Variants in SRGAP1 observed in about 807,000 individuals in gnomAD.
The protein encoded by SRGAP1 is SLIT-ROBO Rho GTPase-activating protein 1.
A neutral mutation model predicts 121.9 loss-of-function variants in SRGAP1; 43 were observed. That is an observed-to-expected ratio of 0.35 (90% confidence interval 0.28 to 0.46). The LOEUF (loss-of-function observed/expected upper bound fraction) is 0.46, where lower values mean the gene tolerates loss of function less well. Among genes scored for constraint, SRGAP1 ranks in the 20% least tolerant of loss-of-function variants. The probability of loss-of-function intolerance (pLI) is 1.00; values close to 1 mark genes in which losing one functional copy is unlikely to be tolerated. For synonymous variants in SRGAP1, 447 were observed against 485.4 expected (o/e 0.92, Z 1.04); for missense variants, 1,102 against 1,350.9 (o/e 0.82, Z 2.89).
At chr12:64,075,192 T>G (rs1244322300) in intron 8 of SRGAP1, among the ~76,000 whole-genome samples, 1 of 152,212 alleles carries the variant, frequency 6.6e-6, no homozygotes, top group Non-Finnish European at 1.5e-5. Context: ...TTAGCATTGT[T>G]TCTATAGATA....
chr12:63,995,990 G>A (rs1467805252), intron 3 of SRGAP1, among the ~76,000 whole-genome samples: 1 of 150,036 alleles, frequency 6.7e-6, no homozygotes, highest in Non-Finnish European at 1.5e-5. Context: ...GATACCACTT[G>A]ACTACAGATC....
chr12:63,894,423 G>A (rs959972912), intron 1 of SRGAP1, among the ~76,000 whole-genome samples: 1 of 150,852 alleles, frequency 6.6e-6, no homozygotes, highest in Non-Finnish European at 1.5e-5. Context: ...AAGTCTCTTC[G>A]CTCATTGTAG....
chr12:64,010,704 G>A (rs534091027), intron 3 of SRGAP1, among the ~76,000 whole-genome samples: 1 of 152,176 alleles, frequency 6.6e-6, no homozygotes, highest in African/African-American at 2.4e-5. Flanking sequence ...TGACAAGCCT[G>A]CTAGCAACAT....
chr12:63,922,752 A>G (rs2031109262), intron 1 of SRGAP1, among the ~76,000 whole-genome samples: 1 of 152,228 alleles, frequency 6.6e-6, no homozygotes, highest in Non-Finnish European at 1.5e-5. Flanking sequence ...CTCCCAATGA[A>G]CTGTAAGCTC....
rs569017953 is a variant in SRGAP1 at position 63,846,083 on chromosome 12, G to A, written c.67+1200G>A. ...TGGACACTGCAGACACAATATGCAA[G>A]ATAACTTAGGTTATCTTTAGGAGGA... is the stretch of plus-strand genomic sequence containing the variant. On this transcript the variant is annotated intron_variant, in intron 1 of 21. Coordinates refer to ENST00000355086, the MANE Select transcript of SRGAP1 (RefSeq NM_020762.4). 8.5e-5 allele frequency among the ~76,000 whole-genome samples: 13 copies of A among 152,188 alleles called. No homozygotes were observed. In the East Asian group the frequency reaches 2.1e-3, roughly 25 times the overall value.
At chr12:63,903,868 C>T (rs7978212) in intron 1 of SRGAP1, among the ~76,000 whole-genome samples, 43,921 of 151,210 alleles carry the variant, frequency 0.29, 6,762 homozygotes, top group East Asian at 0.59. Flanking sequence ...CTCCTGACCT[C>T]GTGATCTGCC....
chr12:64,044,165 C>G (rs1418762434), intron 6 of SRGAP1, among the ~76,000 whole-genome samples: 9 of 152,136 alleles, frequency 5.9e-5, no homozygotes, highest in Admixed American at 5.9e-4. Context: ...TAGAGCTCTC[C>G]TAATACATAT....
In SRGAP1 at chr12:64,125,299, C is replaced by T. The variant is rs978831691; in HGVS notation, c.2225-678C>T. On this transcript the variant is annotated intron_variant, in intron 18 of 21. Transcript: ENST00000355086. ...CTCAAGAAAAATAAAAATTTTGCAT[C>T]TGTTTTTTTAATTTGGACAGAGGGC... Among the ~76,000 whole-genome samples, 6 of 152,000 alleles carry T rather than the reference C, an allele frequency of 3.9e-5. No homozygotes were observed. In the South Asian group the frequency reaches 8.3e-4, roughly 21 times the overall value.
At chr12:64,027,254 G>A (rs770800506) in intron 4 of SRGAP1, among the ~76,000 whole-genome samples, 10 of 152,128 alleles carry the variant, frequency 6.6e-5, no homozygotes, top group Non-Finnish European at 1.0e-4. Context: ...CACACAGCTA[G>A]GAAGTCTCAG....
intron 1 of SRGAP1, among the ~76,000 whole-genome samples, chr12:63,941,932 C>T (rs2031882502): frequency 1.3e-5 from 2 of 152,074 alleles, no homozygotes; most frequent in African/African-American, 4.8e-5. Context: ...GTTTGGAAAT[C>T]AGAAGTTCCA....
At chr12:63,945,560 A>G (rs1239204279) in intron 1 of SRGAP1, among the ~76,000 whole-genome samples, 1 of 152,126 alleles carries the variant, frequency 6.6e-6, no homozygotes, top group Non-Finnish European at 1.5e-5. Context: ...ATCTTGGAGA[A>G]CTTATCTTGT....
intron 18 of SRGAP1, among the ~76,000 whole-genome samples, chr12:64,123,230 C>G (rs2036630844): frequency 6.6e-6 from 1 of 152,096 alleles, no homozygotes; most frequent in African/African-American, 2.4e-5. Context: ...GTCTGTAGTC[C>G]TAGCTACTTA....
intron 3 of SRGAP1, among the ~76,000 whole-genome samples, chr12:63,990,288 C>T (rs962971600): frequency 2.0e-5 from 3 of 152,182 alleles, no homozygotes; most frequent in African/African-American, 7.2e-5. Flanking sequence ...AATCCCAGCA[C>T]TTTGGGAGGC....
intron 1 of SRGAP1, chr12:63,982,960 A>T (rs1384975983): frequency 6.6e-6 from 1 of 152,210 alleles, no homozygotes; most frequent in Non-Finnish European, 1.5e-5. Context: ...TTCTTTGAGG[A>T]TTAAATGTGT....
intron 11 of SRGAP1, among the ~76,000 whole-genome samples, chr12:64,088,840 A>G (rs2035994835): frequency 6.6e-6 from 1 of 152,186 alleles, no homozygotes; most frequent in East Asian, 1.9e-4. Flanking sequence ...TGCGGGGACA[A>G]TGATTCAGTG....
At chr12:64,078,856 T>C in intron 8 of SRGAP1, 63 bp from the exon 9 acceptor site, 1 of 1,529,554 alleles carries the variant, frequency 6.5e-7, no homozygotes, top group Non-Finnish European at 8.9e-7. Context: ...CAGAGTGGAC[T>C]CTCCCTGTTT....
intron 1 of SRGAP1, among the ~76,000 whole-genome samples, chr12:63,917,857 A>T (rs1036125701): frequency 2.6e-4 from 39 of 149,976 alleles, no homozygotes; most frequent in African/African-American, 9.4e-4. Context: ...TCATGGGATG[A>T]TGTGTCTGTG....
At chr12:64,077,697 A>G (rs2035763609) in intron 8 of SRGAP1, among the ~76,000 whole-genome samples, 2 of 151,972 alleles carry the variant, frequency 1.3e-5, no homozygotes, top group South Asian at 4.1e-4. Flanking sequence ...ATAAAGCAGT[A>G]TCTTTATGGC....
chr12:64,081,292 T>G (rs982161773), intron 10 of SRGAP1: 6 of 152,090 alleles, frequency 3.9e-5, no homozygotes, highest in Non-Finnish European at 7.4e-5. Context: ...CTCTTAGACC[T>G]AAATTCTTGC....
Sources: allele counts gnomAD v4.1 joint callset (sites outside exome capture counted in the v4.1 genomes callset), GRCh38; gene constraint gnomAD v4.1.1; transcripts MANE v1.5; gene names NCBI Gene and HGNC (gene_info 2026-07-23, HGNC 2026-07-21).